The following NKAIN2 variants were observed in gnomAD, a reference collection of about 807,000 sequenced individuals.
NKAIN2 encodes the protein sodium/potassium transporting ATPase interacting 2.
NKAIN2 carries 14 observed loss-of-function variants against 32.6 expected under a neutral mutation model. That is an observed-to-expected ratio of 0.43 (90% confidence interval 0.28 to 0.67). The LOEUF (loss-of-function observed/expected upper bound fraction) is 0.67. NKAIN2 is among the 30% of genes least tolerant of loss of function. The pLI is 0.17. For synonymous variants in NKAIN2, 80 were observed against 87.2 expected (o/e 0.92, Z 0.46); for missense variants, 198 against 258.3 (o/e 0.77, Z 1.60).
intron 1 of NKAIN2, among the ~76,000 whole-genome samples, chr6:123,875,077 T>C (rs13214841): frequency 0.27 from 40,528 of 151,946 alleles, 5,969 homozygotes; most frequent in Non-Finnish European, 0.32. Flanking sequence ...TTATATTTTA[T>C]ATACCATAAT....
At chr6:123,980,803 A>T (rs1448244002) in intron 1 of NKAIN2, among the ~76,000 whole-genome samples, 1 of 151,984 alleles carries the variant, frequency 6.6e-6, no homozygotes, top group East Asian at 1.9e-4. Context: ...TTGAATTGGG[A>T]TCCAAGAAGA....
In NKAIN2 at chr6:123,853,417, T is replaced by A. The variant is rs76930673; in HGVS notation, c.54+49163T>A. On this transcript the variant is annotated intron_variant, in intron 1 of 6. Transcript: ENST00000368417. ...TGAAAACCTATGGGAAATGTAATAT[T>A]AATAAAAAAGCAGAGAATTAGACCT... is the stretch of plus-strand genomic sequence containing the variant. Among the ~76,000 whole-genome samples, 404 of 152,288 alleles carry A rather than the reference T, an allele frequency of 2.7e-3. 2 individuals are homozygous for A. Among genetic ancestry groups the A allele is most frequent in the African/African-American group, 9.3e-3 (387 of 41,570 alleles).
intron 3 of NKAIN2, among the ~76,000 whole-genome samples, chr6:124,357,279 T>TA (rs1799028843): frequency 6.6e-6 from 1 of 152,232 alleles, no homozygotes; most frequent in Non-Finnish European, 1.5e-5. Flanking sequence ...GTTATCGTTA[T>TA]ATAGTTATCT....
At chr6:123,810,907 A>G (rs1242403902) in intron 1 of NKAIN2, among the ~76,000 whole-genome samples, 2 of 152,168 alleles carry the variant, frequency 1.3e-5, no homozygotes, top group East Asian at 3.9e-4. Context: ...GTGCATCAGA[A>G]TCTCCTGCAG....
chr6:124,205,064 CA>C (rs1298304538), intron 1 of NKAIN2, among the ~76,000 whole-genome samples: 1 of 151,156 alleles, frequency 6.6e-6, no homozygotes, highest in African/African-American at 2.4e-5. Context: ...CAAAAACAAA[CA>C]AAAAGAAAGA....
intron 4 of NKAIN2, among the ~76,000 whole-genome samples, chr6:124,748,263 A>G (rs1367240918): frequency 1.3e-5 from 2 of 151,980 alleles, no homozygotes; most frequent in Non-Finnish European, 2.9e-5. Context: ...CAGCCCCATT[A>G]GACTGGGAGT....
intron 4 of NKAIN2, among the ~76,000 whole-genome samples, chr6:124,745,807 C>T (rs1777425266): frequency 6.6e-6 from 1 of 151,828 alleles, no homozygotes; most frequent in Non-Finnish European, 1.5e-5. Flanking sequence ...TAAATATCCT[C>T]ATCCTATAAG....
chr6:124,575,032 C>A (rs578130712), intron 3 of NKAIN2, among the ~76,000 whole-genome samples: 1 of 152,274 alleles, frequency 6.6e-6, no homozygotes, highest in South Asian at 2.1e-4. Context: ...CTTAGAGATA[C>A]AAGATTTAAA....
chr6:124,228,253 C>T (rs1282534299), intron 1 of NKAIN2, among the ~76,000 whole-genome samples: 1 of 152,016 alleles, frequency 6.6e-6, no homozygotes, highest in Non-Finnish European at 1.5e-5. Flanking sequence ...TGAAGCCTTC[C>T]CAAATGGGCT....
intron 1 of NKAIN2, chr6:123,829,320 G>A (rs1375906877): frequency 6.6e-6 from 1 of 152,072 alleles, no homozygotes; most frequent in African/African-American, 2.4e-5. Context: ...TTATCTAATT[G>A]TCTATCTGAC....
intron 1 of NKAIN2, among the ~76,000 whole-genome samples, chr6:124,260,987 T>C (rs1794225282): frequency 6.6e-6 from 1 of 152,166 alleles, no homozygotes; most frequent in African/African-American, 2.4e-5. Context: ...CTGTGAGAAA[T>C]ACTGTGATGA....
chr6:124,076,043 A>T (rs547305747), intron 1 of NKAIN2, among the ~76,000 whole-genome samples: 9 of 152,390 alleles, frequency 5.9e-5, no homozygotes, highest in African/African-American at 2.2e-4. Flanking sequence ...TCTCTGTGAG[A>T]TTAACATTTT....
At chr6:124,743,651 T>C (rs1232198003) in intron 4 of NKAIN2, among the ~76,000 whole-genome samples, 1 of 151,936 alleles carries the variant, frequency 6.6e-6, no homozygotes, top group Non-Finnish European at 1.5e-5. Context: ...CAGCTGTTTC[T>C]GTGTCTTTCC....
intron 2 of NKAIN2, among the ~76,000 whole-genome samples, chr6:124,316,800 T>A (rs1457910656): frequency 3.9e-5 from 6 of 152,148 alleles, no homozygotes; most frequent in African/African-American, 1.2e-4. Flanking sequence ...ACTTGAAGAT[T>A]CAGGTGGACT....
At chr6:123,910,980 G>C (rs1331746530) in intron 1 of NKAIN2, among the ~76,000 whole-genome samples, 1 of 152,086 alleles carries the variant, frequency 6.6e-6, no homozygotes, top group Non-Finnish European at 1.5e-5. Context: ...TATGTTAGTA[G>C]ATGAGAGGAT....
intron 1 of NKAIN2, among the ~76,000 whole-genome samples, chr6:124,236,221 G>T (rs375472467): frequency 3.0e-4 from 46 of 152,232 alleles, no homozygotes; most frequent in African/African-American, 8.9e-4. Context: ...ATGTAATAAA[G>T]TATATGTCTT....
At chr6:124,271,479 C>G (rs774950067) in intron 1 of NKAIN2, among the ~76,000 whole-genome samples, 3 of 152,244 alleles carry the variant, frequency 2.0e-5, no homozygotes, top group East Asian at 1.9e-4. Context: ...GCCTCCCAAA[C>G]TGCTGGGATT....
At chr6:124,300,242 GA>G (rs1382087160) in intron 2 of NKAIN2, among the ~76,000 whole-genome samples, 1 of 152,136 alleles carries the variant, frequency 6.6e-6, no homozygotes, top group Admixed American at 6.6e-5. Flanking sequence ...TCATAGTAGT[GA>G]ATAAGTCTCA....
chr6:124,192,611 A>C (rs1227875464), intron 1 of NKAIN2, among the ~76,000 whole-genome samples: 1 of 152,118 alleles, frequency 6.6e-6, no homozygotes, highest in Non-Finnish European at 1.5e-5. Context: ...GGTCAAGGGA[A>C]TCAATAGAGT....
Sources: gnomAD v4.1 joint callset for allele counts (sites outside exome capture counted in the v4.1 genomes callset) on GRCh38, gnomAD v4.1.1 for gene constraint, MANE v1.5 for transcripts, NCBI Gene and HGNC (gene_info 2026-07-23, HGNC 2026-07-21) for gene names.